CFAP53: variants seen among roughly 807,000 people sequenced by gnomAD.
CFAP53 encodes the protein cilia and flagella associated protein 53, also known as cilia- and flagella-associated protein 53.
Under a neutral mutation model 59.7 loss-of-function variants are expected in CFAP53, and 62 were observed. The observed-to-expected ratio is 1.04, with a 90% CI of 0.85 to 1.28. CFAP53 has a LOEUF of 1.28. CFAP53 is among the 50% of genes most tolerant of loss of function. CFAP53 has a pLI of 0.00. For missense variants in CFAP53, 629 were observed against 615.6 expected, an observed-to-expected ratio of 1.02 and a Z score of -0.23; for synonymous variants, 218 against 205.7, an observed-to-expected ratio of 1.06 and a Z score of -0.51.
At chr18:50,235,026 TGATGTGCTGTG>T (rs1479067701) in intron 7 of CFAP53, among the ~76,000 whole-genome samples, 1 of 152,262 alleles carries the variant, frequency 6.6e-6, no homozygotes, top group Non-Finnish European at 1.5e-5. Flanking sequence ...CTTGCAAAAC[TGATGTGCTGTG>T]GATGTGCTTA....
chr18:50,251,028 A>T lies in CFAP53; in HGVS notation c.778-52T>A, dbSNP rs372124265. On this transcript the variant is annotated intron_variant, in intron 4 of 7. Coordinates refer to ENST00000398545, the MANE Select transcript of CFAP53 (RefSeq NM_145020.5). ...TGCATCAGTACAGTTGGACAAGACA[A>T]GTTAGTGCATTTGACTTCAGAGATG... 59 of 1,449,580 alleles carry T rather than the reference A, an allele frequency of 4.1e-5. 1 individual carries two copies. Among genetic ancestry groups the T allele is most frequent in the Non-Finnish European group, 4.8e-5 (50 of 1,034,906 alleles). 89.8% of individuals were successfully genotyped at this position (1,449,580 alleles called of 1,614,324 possible).
chr18:50,254,431 C>T (rs983997236), intron 3 of CFAP53, among the ~76,000 whole-genome samples: 3 of 152,022 alleles, frequency 2.0e-5, no homozygotes, highest in African/African-American at 7.2e-5. Context: ...TCACAGCACG[C>T]CTATTAGAAC....
intron 7 of CFAP53, among the ~76,000 whole-genome samples, chr18:50,237,005 C>T (rs1568151357): frequency 6.6e-6 from 1 of 151,706 alleles, no homozygotes; most frequent in Non-Finnish European, 1.5e-5. Flanking sequence ...CAACAGAAGA[C>T]TTTTTAAAAA....
At chr18:50,236,926 T>C (rs11082811) in intron 7 of CFAP53, among the ~76,000 whole-genome samples, 98,632 of 151,836 alleles carry the variant, frequency 0.65, 32,709 homozygotes, top group Admixed American at 0.73. Context: ...AATTTCTTCC[T>C]TATCTCTCCA....
chr18:50,261,216 T>C lies in CFAP53; in HGVS notation c.321A>G (p.Leu107=). The stretch of plus-strand genomic sequence containing the variant: ...TTTCTGTAAAATACTCATTTTCTTC[T>C]AATGCTAAAAGCTCACGTAGCCTGA... The part of the protein sequence containing the change: ...RRNKLRELLA[L]EENEYFTEMQ... The change falls in exon 3 of 8, where the codon TTA becomes TTG. Residue 107 remains leucine (L), a synonymous_variant. Coordinates refer to ENST00000398545, the MANE Select transcript of CFAP53 (RefSeq NM_145020.5). The C allele has an allele frequency of 5.3e-6, 8 of 1,496,206 alleles. No homozygotes were observed. The highest frequency in any genetic ancestry group is 7.1e-6 in the Non-Finnish European group (8 of 1,126,752). 92.7% of individuals were successfully genotyped at this position (1,496,206 alleles called of 1,614,324 possible).
intron 7 of CFAP53, among the ~76,000 whole-genome samples, chr18:50,234,878 A>G (rs1205829218): frequency 6.6e-6 from 1 of 152,220 alleles, no homozygotes; most frequent in Non-Finnish European, 1.5e-5. Flanking sequence ...TTGCCCATGC[A>G]GTCTTTTGGT....
At chr18:50,262,938 G>A (rs1286751579) in intron 1 of CFAP53, among the ~76,000 whole-genome samples, 1 of 151,898 alleles carries the variant, frequency 6.6e-6, no homozygotes, top group East Asian at 1.9e-4. Flanking sequence ...TGACCTTTTG[G>A]GCTACTTTGA....
chr18:50,247,433 GCCC>G (rs2033755646), intron 5 of CFAP53, among the ~76,000 whole-genome samples: 1 of 152,118 alleles, frequency 6.6e-6, no homozygotes, highest in African/African-American at 2.4e-5. Context: ...TTACCGTATG[GCCC>G]AGTAGTACTA....
intron 5 of CFAP53, among the ~76,000 whole-genome samples, chr18:50,244,156 C>G (rs1353204504): frequency 6.6e-6 from 1 of 152,136 alleles, no homozygotes; most frequent in Non-Finnish European, 1.5e-5. Context: ...CATCCAATAC[C>G]AAGGTTGTAG....
At position 50,251,616 on chromosome 18, in the gene CFAP53, C is replaced by A. The variant is rs1568156960; in HGVS notation, c.642G>T (p.Lys214Asn). Residue 214 changes from lysine (K) to asparagine (N), a missense_variant, in exon 4 of 8, where the codon AAG (lysine) becomes AAT (asparagine). By Grantham distance (94) the Lys-to-Asn change is moderately conservative (BLOSUM62 0). Transcript: ENST00000398545. The part of the protein sequence containing the change: ...LWEEDRLAKE[K>N]REAQEARRQK... ...GTCTCCTCGCCTCTTGGGCTTCTCGCTTTTCCTTGGCTAATCGGTCTTCCT... is the reference window on the plus strand; with the variant it reads ...GTCTCCTCGCCTCTTGGGCTTCTCGATTTTCCTTGGCTAATCGGTCTTCCT... The A allele has an allele frequency of 3.1e-6, 5 of 1,614,230 alleles. No individual in the cohort carries two copies. The South Asian group carries it at 5.5e-5, about 18-fold the overall frequency.
rs540285760 is a variant in CFAP53 at position 50,244,074 on chromosome 18, G to T, written c.997-958C>A. Among the ~76,000 whole-genome samples, 8 of 152,268 alleles carry T rather than the reference G, an allele frequency of 5.3e-5. No individual in the cohort carries two copies. The South Asian group carries it at 8.3e-4, about 16-fold the overall frequency. ...TAATGTGCAGCTAAAGTTGAGACCTGCTGTTTATTTAGCGCAGGCATTTTT... is the reference window on the plus strand; with the variant it reads ...TAATGTGCAGCTAAAGTTGAGACCTTCTGTTTATTTAGCGCAGGCATTTTT... On this transcript the variant is annotated intron_variant, in intron 5 of 7. Coordinates refer to ENST00000398545, the MANE Select transcript of CFAP53 (RefSeq NM_145020.5).
intron 7 of CFAP53, among the ~76,000 whole-genome samples, chr18:50,231,450 C>G (rs986532565): frequency 6.6e-6 from 1 of 152,212 alleles, no homozygotes; most frequent in African/African-American, 2.4e-5. Flanking sequence ...AACTTAGGAA[C>G]CTCAGTGGAC....
chr18:50,245,351 C>T (rs939059275), intron 5 of CFAP53, among the ~76,000 whole-genome samples: 4 of 145,026 alleles, frequency 2.8e-5, no homozygotes, highest in Admixed American at 6.9e-5. Flanking sequence ...CACTGCAGTC[C>T]GCAGTCCGGC....
rs1482606015 is a variant in CFAP53 at position 50,238,545 on chromosome 18, G to A, written c.1316+58C>T. 3 of 1,210,402 alleles carry A rather than the reference G, an allele frequency of 2.5e-6. No individual in the cohort carries two copies. The Admixed American group carries it at 5.6e-5, about 23-fold the overall frequency. The allele number at this position is 1,210,402 out of a possible 1,614,324, so 75.0% of individuals were successfully genotyped here. A position where few individuals can be genotyped will look rare whatever the true frequency, so the allele number is the denominator to read the frequency against. On this transcript the variant is annotated intron_variant, in intron 7 of 7. Transcript: ENST00000398545. Reference sequence around the variant, plus strand: ...GGGATTACAGGTGTGAGCCACCATGGCTAGCCAAAAATCCATTTTTTAGGT... The same window carrying A: ...GGGATTACAGGTGTGAGCCACCATGACTAGCCAAAAATCCATTTTTTAGGT...
chr18:50,234,971 C>T (rs559329283), intron 7 of CFAP53, among the ~76,000 whole-genome samples: 19 of 152,338 alleles, frequency 1.2e-4, no homozygotes, highest in Admixed American at 1.2e-3. Context: ...AAGTCATGGC[C>T]ATCAAGGCCC....
rs757660511 is a variant in CFAP53 at position 50,261,059 on chromosome 18, A to G, written c.473+5T>C. On this transcript the variant is annotated splice_donor_5th_base_variant and intron_variant, in intron 3 of 7. Transcript: ENST00000398545. ...TTCTGTTTGTGTGTTTTCTGATTTC[A>G]TTACCTGAATTGCTGGTCTAGCTTT... 14 of 1,590,580 alleles carry G rather than the reference A, an allele frequency of 8.8e-6. No individual in the cohort carries two copies. The Admixed American group carries it at 1.1e-4, about 13-fold the overall frequency.
chr18:50,255,145 G>C (rs1417935506), intron 3 of CFAP53, among the ~76,000 whole-genome samples: 1 of 152,174 alleles, frequency 6.6e-6, no homozygotes, highest in African/African-American at 2.4e-5. Context: ...CAACAACTTG[G>C]ATGGACCTCA....
chr18:50,248,456 T>G (rs925813761), intron 5 of CFAP53, among the ~76,000 whole-genome samples: 3 of 152,156 alleles, frequency 2.0e-5, no homozygotes, highest in Non-Finnish European at 1.5e-5. Context: ...CTATATGACA[T>G]AGCAATTGCT....
At chr18:50,237,230 G>T (rs1425486018) in intron 7 of CFAP53, among the ~76,000 whole-genome samples, 2 of 139,942 alleles carry the variant, frequency 1.4e-5, no homozygotes, top group African/African-American at 5.4e-5. Context: ...GCTTGAACCC[G>T]GGAGTCGGAG....
Sources: gnomAD v4.1 joint callset for allele counts (sites outside exome capture counted in the v4.1 genomes callset) on GRCh38, gnomAD v4.1.1 for gene constraint, MANE v1.5 for transcripts, NCBI Gene and HGNC (gene_info 2026-07-23, HGNC 2026-07-21) for gene names.